PARG: variants seen among roughly 807,000 people sequenced by gnomAD.
The protein encoded by PARG is poly(ADP-ribose) glycohydrolase.
In PARG, 35 loss-of-function variants were observed where a neutral mutation model predicts 113.0. That is an observed-to-expected ratio of 0.31 (90% confidence interval 0.24 to 0.41). PARG has a LOEUF of 0.41. Among genes scored for constraint, PARG ranks in the 10% least tolerant of loss-of-function variants. PARG has a pLI of 1.00. For missense variants in PARG, 797 were observed against 1,169.4 expected, an observed-to-expected ratio of 0.68 and a Z score of 4.64; for synonymous variants, 330 against 409.9, an observed-to-expected ratio of 0.81 and a Z score of 2.36.
chr10:49,869,613 C>T (rs1379334500), intron 9 of PARG, 58 bp from the exon 10 acceptor site: 2 of 706,748 alleles, frequency 2.8e-6, no homozygotes, highest in Non-Finnish European at 5.2e-6. Context: ...TAATGATTCA[C>T]AAAACTACAT....
chr10:49,819,764 G>A (rs1843977819), intron 17 of PARG, among the ~76,000 whole-genome samples: 1 of 152,144 alleles, frequency 6.6e-6, no homozygotes, highest in African/African-American at 2.4e-5. Flanking sequence ...GCACTGTCAT[G>A]GCAGCCCTCG....
chr10:49,887,508 C>T (rs1298644561), intron 7 of PARG, among the ~76,000 whole-genome samples: 1 of 152,132 alleles, frequency 6.6e-6, no homozygotes. Flanking sequence ...TGTTTTTCAG[C>T]TGAAAAATTT....
In PARG at chr10:49,912,738, G is replaced by T. The variant is rs535679357; in HGVS notation, c.1737+3179C>A. Among the ~76,000 whole-genome samples, 156 of 152,306 alleles carry T rather than the reference G, an allele frequency of 1.0e-3. 3 individuals carry two copies. In the South Asian group the frequency reaches 0.029, roughly 29 times the overall value. The stretch of plus-strand genomic sequence containing the variant: ...CCAGCACTTTGGGAGGCTGAGGAGC[G>T]AAGATTGCTTGAGCCCAAGAGTTCA... On this transcript the variant is annotated intron_variant, in intron 7 of 17. Coordinates refer to ENST00000616448, the MANE Select transcript of PARG (RefSeq NM_003631.5).
At chr10:49,877,485 G>A (rs1479524729) in intron 9 of PARG, among the ~76,000 whole-genome samples, 8 of 144,446 alleles carry the variant, frequency 5.5e-5, no homozygotes, top group Admixed American at 1.4e-4. Flanking sequence ...TCTAAATACC[G>A]TTGTACAATA....
chr10:49,939,405 A>G (rs1269506149), intron 1 of PARG, among the ~76,000 whole-genome samples: 7 of 152,224 alleles, frequency 4.6e-5, no homozygotes, highest in African/African-American at 1.7e-4. Flanking sequence ...CATCACACAT[A>G]GTAAGGTTAA....
chr10:49,920,807 T>C (rs782618964), intron 6 of PARG, among the ~76,000 whole-genome samples: 5 of 152,012 alleles, frequency 3.3e-5, no homozygotes, highest in Non-Finnish European at 7.4e-5. Context: ...TTGCTGGTAT[T>C]GCTGGAGGCA....
chr10:49,833,685 T>G (rs1415150010), intron 15 of PARG, among the ~76,000 whole-genome samples: 1 of 152,236 alleles, frequency 6.6e-6, no homozygotes, highest in Non-Finnish European at 1.5e-5. Context: ...GATTTCCACC[T>G]CTTTGCTGTC....
chr10:49,901,960 G>A (rs1588964921), intron 7 of PARG, among the ~76,000 whole-genome samples: 1 of 152,224 alleles, frequency 6.6e-6, no homozygotes, highest in East Asian at 1.9e-4. Context: ...ATGGCAGCCG[G>A]CAGCCACATG....
chr10:49,906,138 C>T (rs556317584), intron 7 of PARG, among the ~76,000 whole-genome samples: 1 of 128,660 alleles, frequency 7.8e-6, no homozygotes, highest in East Asian at 2.0e-4. Flanking sequence ...GGCTGTGATG[C>T]TGCCGCTTTT....
chr10:49,824,081 G>A (rs1462639772), intron 16 of PARG, among the ~76,000 whole-genome samples: 2 of 152,102 alleles, frequency 1.3e-5, no homozygotes, highest in Non-Finnish European at 2.9e-5. Context: ...ACTACACCAT[G>A]GAGTTAAATC....
At chr10:49,848,991 T>C (rs1845637050) in intron 13 of PARG, among the ~76,000 whole-genome samples, 1 of 151,366 alleles carries the variant, frequency 6.6e-6, no homozygotes, top group Non-Finnish European at 1.5e-5. Flanking sequence ...AGGTCGGGAG[T>C]TCGCGAGCAG....
At position 49,939,866 on chromosome 10, in the gene PARG, AC is replaced by A. The variant is rs1359929195; in HGVS notation, c.217+1642del. Among the ~76,000 whole-genome samples, 574 of 152,248 alleles carry A rather than the reference AC, an allele frequency of 3.8e-3. 2 individuals carry two copies. Among genetic ancestry groups the A allele is most frequent in the African/African-American group, 0.013 (532 of 41,534 alleles). ...GAAGACATCTAAGTGTAGACTCTTC[AC>A]CAGAGAACTGCCCGAGCTCTGCCCA... is the stretch of plus-strand genomic sequence containing the variant. On this transcript the variant is annotated intron_variant, in intron 1 of 17. Coordinates refer to ENST00000616448, the MANE Select transcript of PARG (RefSeq NM_003631.5).
At chr10:49,927,950 T>G (rs1838289441) in intron 4 of PARG, among the ~76,000 whole-genome samples, 3 of 139,464 alleles carry the variant, frequency 2.2e-5, no homozygotes, top group South Asian at 2.3e-4. Context: ...GGTGACGGAG[T>G]GAGATCCTGT....
At position 49,935,565 on chromosome 10, in the gene PARG, C is replaced by T. The variant is rs1328703595; in HGVS notation, c.218-423G>A. 3.9e-3 allele frequency among the ~76,000 whole-genome samples: 599 copies of T among 152,242 alleles called. 7 individuals carry two copies. The highest frequency in any genetic ancestry group is 0.014 in the African/African-American group (568 of 41,548). On this transcript the variant is annotated intron_variant, in intron 1 of 17. Transcript: ENST00000616448. ...AGCATTTAGGGCATTATCTGGTTTACGCTTAGTAAATGTTGATTCTTAATT... is the reference window on the plus strand; with the variant it reads ...AGCATTTAGGGCATTATCTGGTTTATGCTTAGTAAATGTTGATTCTTAATT...
At chr10:49,922,692 T>C in intron 4 of PARG, 23 bp from the exon 5 acceptor site, 3 of 1,483,494 alleles carry the variant, frequency 2.0e-6, no homozygotes, top group Non-Finnish European at 1.8e-6. Flanking sequence ...GTAAACAAAA[T>C]TGTCAGTGCA....
At chr10:49,840,146 T>C (rs557653897) in intron 15 of PARG, among the ~76,000 whole-genome samples, 2 of 152,260 alleles carry the variant, frequency 1.3e-5, no homozygotes, top group East Asian at 1.9e-4. Context: ...CCCAGCACTT[T>C]GGGAGGCCGA....
At chr10:49,907,849 C>G (rs71500299) in intron 7 of PARG, among the ~76,000 whole-genome samples, 37 of 152,078 alleles carry the variant, frequency 2.4e-4, no homozygotes, top group African/African-American at 8.7e-4. Context: ...ACAGAATTAT[C>G]TTCACTCCTC....
chr10:49,890,013 T>TA, intron 7 of PARG, among the ~76,000 whole-genome samples: 1 of 152,232 alleles, frequency 6.6e-6, no homozygotes, highest in East Asian at 1.9e-4. Context: ...AGGGAAAAGT[T>TA]ATTTAAGATG....
chr10:49,921,857 T>C (rs1479951862), intron 6 of PARG, among the ~76,000 whole-genome samples: 1 of 151,718 alleles, frequency 6.6e-6, no homozygotes, highest in Non-Finnish European at 1.5e-5. Flanking sequence ...AAATAAATTA[T>C]TGCCAAAATA....
Sources: allele counts gnomAD v4.1 joint callset (sites outside exome capture counted in the v4.1 genomes callset), GRCh38; gene constraint gnomAD v4.1.1; transcripts MANE v1.5; gene names NCBI Gene and HGNC (gene_info 2026-07-23, HGNC 2026-07-21).